Variants in ANKRD6 observed in about 807,000 individuals in gnomAD.
ANKRD6 encodes the protein ankyrin repeat domain 6.
ANKRD6 carries 56 observed loss-of-function variants against 82.3 expected under a neutral mutation model. The ratio of observed to expected loss-of-function variants is 0.68; its 90% CI spans 0.55 to 0.85. The LOEUF (loss-of-function observed/expected upper bound fraction) is 0.85, where lower values mean the gene tolerates loss of function less well. ANKRD6 is among the 40% of genes least tolerant of loss of function. The probability of loss-of-function intolerance (pLI) is 0.00; values close to 1 mark genes in which losing one functional copy is unlikely to be tolerated. For synonymous variants in ANKRD6, 347 were observed against 352.1 expected (o/e 0.99, Z 0.16); for missense variants, 852 against 907.6 (o/e 0.94, Z 0.79).
chr6:89,453,833 G>A (rs144169228), intron 1 of ANKRD6, among the ~76,000 whole-genome samples: 1 of 150,588 alleles, frequency 6.6e-6, no homozygotes, highest in Non-Finnish European at 1.5e-5. Context: ...ATGGAGTCTC[G>A]CTCTGTCGCC....
chr6:89,591,376 A>ACAGGCGTGAACC (rs1794874862), intron 2 of ANKRD6, among the ~76,000 whole-genome samples: 1 of 152,202 alleles, frequency 6.6e-6, no homozygotes, highest in Non-Finnish European at 1.5e-5. Context: ...TGCTGGGATT[A>ACAGGCGTGAACC]CAGGCGTGAA....
Position 89,612,373 on chromosome 6 carries a change from G to C in ANKRD6, c.516+3G>C. 1 of 1,548,272 alleles carries C rather than the reference G, an allele frequency of 6.5e-7. No individual in the cohort carries two copies. Among genetic ancestry groups the C allele is most frequent in the East Asian group, 2.4e-5 (1 of 41,214 alleles). On this transcript the variant is annotated splice_donor_region_variant and intron_variant, in intron 6 of 15. Coordinates refer to ENST00000339746, the MANE Select transcript of ANKRD6 (RefSeq NM_001242809.2). The stretch of plus-strand genomic sequence containing the variant: ...CCCGCGCTGACCTCAAAAATAATGT[G>C]GGTGAACAAAACCAGATTCTCACGT...
At chr6:89,443,440 G>T (rs1158055511) in intron 1 of ANKRD6, among the ~76,000 whole-genome samples, 1 of 152,180 alleles carries the variant, frequency 6.6e-6, no homozygotes, top group African/African-American at 2.4e-5. Context: ...AATCACCCCA[G>T]ATTCTGATGA....
At chr6:89,451,454 A>G (rs766165515) in intron 1 of ANKRD6, among the ~76,000 whole-genome samples, 2 of 152,212 alleles carry the variant, frequency 1.3e-5, no homozygotes, top group Non-Finnish European at 2.9e-5. Flanking sequence ...GTAGCTCTGT[A>G]TCATTTCTTT....
chr6:89,615,971 G>C (rs1260928980), intron 7 of ANKRD6, among the ~76,000 whole-genome samples: 1 of 152,230 alleles, frequency 6.6e-6, no homozygotes, highest in Non-Finnish European at 1.5e-5. Context: ...TTGGTCTTGA[G>C]TGAACACTGG....
intron 1 of ANKRD6, among the ~76,000 whole-genome samples, chr6:89,533,510 T>G (rs1366805376): frequency 6.6e-6 from 1 of 152,168 alleles, no homozygotes; most frequent in Non-Finnish European, 1.5e-5. Flanking sequence ...GTATTTGACC[T>G]GGTACCCTCT....
chr6:89,512,612 T>A (rs1005661447), intron 1 of ANKRD6, among the ~76,000 whole-genome samples: 2 of 152,186 alleles, frequency 1.3e-5, no homozygotes, highest in African/African-American at 4.8e-5. Context: ...TCTGTTGGGG[T>A]AAACCTGGAC....
chr6:89,536,319 G>A (rs1390580308), intron 1 of ANKRD6, among the ~76,000 whole-genome samples: 16 of 152,224 alleles, frequency 1.1e-4, no homozygotes. Flanking sequence ...GTCCACACAT[G>A]TCTTTTCTGG....
intron 1 of ANKRD6, among the ~76,000 whole-genome samples, chr6:89,458,865 C>T (rs1226647939): frequency 6.6e-6 from 1 of 152,182 alleles, no homozygotes; most frequent in African/African-American, 2.4e-5. Flanking sequence ...GGAGCTGTGT[C>T]GTGGTCTTGG....
intron 1 of ANKRD6, among the ~76,000 whole-genome samples, chr6:89,492,694 A>G (rs1778150145): frequency 6.6e-6 from 1 of 152,198 alleles, no homozygotes; most frequent in South Asian, 2.1e-4. Flanking sequence ...AAACATCTTT[A>G]AGCCAGGTGA....
intron 2 of ANKRD6, among the ~76,000 whole-genome samples, chr6:89,595,421 G>A (rs1169412247): frequency 1.3e-5 from 2 of 150,880 alleles, no homozygotes; most frequent in Non-Finnish European, 3.0e-5. Flanking sequence ...GTCAGACCCT[G>A]TCTCAAAGAA....
intron 2 of ANKRD6, among the ~76,000 whole-genome samples, chr6:89,577,941 C>A (rs1791513481): frequency 6.6e-6 from 1 of 152,232 alleles, no homozygotes; most frequent in Non-Finnish European, 1.5e-5. Context: ...CAGTATCATT[C>A]ATAAAATTCA....
chr6:89,576,267 G>T (rs1254520589), intron 2 of ANKRD6, among the ~76,000 whole-genome samples: 2 of 151,902 alleles, frequency 1.3e-5, no homozygotes, highest in African/African-American at 2.4e-5. Flanking sequence ...AGCCAGGATG[G>T]TCTCAATCTC....
rs1806147487 is a variant in ANKRD6, at chr6:89,627,588, T to C, written c.1377T>C (p.Arg459=). The C allele has an allele frequency of 6.2e-7, 1 of 1,613,690 alleles. No homozygotes were observed. The highest frequency in any genetic ancestry group is 2.2e-5 in the East Asian group (1 of 44,866). ...CTGCTCCACTTCACTCCTAGATGCGTGTTTTGGACAAGCTGATGGTTGAGC... is the reference window on the plus strand; with the variant it reads ...CTGCTCCACTTCACTCCTAGATGCGCGTTTTGGACAAGCTGATGGTTGAGC... The part of the protein sequence containing the change: ...QMENKTQHQM[R]VLDKLMVERL... The change falls in exon 14 of 16, where the codon CGT becomes CGC. Residue 459 remains arginine, a synonymous_variant. Transcript: ENST00000339746.
At chr6:89,502,611 T>G (rs1432794985) in intron 1 of ANKRD6, among the ~76,000 whole-genome samples, 2 of 152,252 alleles carry the variant, frequency 1.3e-5, no homozygotes, top group Admixed American at 6.5e-5. Flanking sequence ...TCTGGGCCAA[T>G]GAATACTTTT....
intron 1 of ANKRD6, among the ~76,000 whole-genome samples, chr6:89,465,936 G>A (rs1774794663): frequency 1.3e-5 from 2 of 152,062 alleles, no homozygotes; most frequent in Non-Finnish European, 2.9e-5. Flanking sequence ...AGGTTATTAT[G>A]GATAAAGTAC....
At chr6:89,609,168 C>A (rs1211496005) in intron 5 of ANKRD6, among the ~76,000 whole-genome samples, 1 of 152,220 alleles carries the variant, frequency 6.6e-6, no homozygotes, top group Admixed American at 6.5e-5. Flanking sequence ...GGATCAAAAG[C>A]TTGAGGTCTG....
intron 1 of ANKRD6, among the ~76,000 whole-genome samples, chr6:89,500,262 C>T (rs1049350555): frequency 1.3e-5 from 2 of 152,114 alleles, no homozygotes; most frequent in Non-Finnish European, 1.5e-5. Flanking sequence ...CCACAGATCA[C>T]TCACTCTCCT....
Position 89,496,766 on chromosome 6 carries a change from C to T in ANKRD6, c.-144+63391C>T, listed in dbSNP as rs546774284. 4.1e-4 allele frequency among the ~76,000 whole-genome samples: 62 copies of T among 152,226 alleles called. No individual in the cohort carries two copies. The South Asian group carries it at 0.011, about 27-fold the overall frequency. On this transcript the variant is annotated intron_variant, in intron 1 of 15. Coordinates refer to ENST00000339746, the MANE Select transcript of ANKRD6 (RefSeq NM_001242809.2). ...CTCAAACTCCTGATCTCAGGTGATC[C>T]GGGAGAAAGATAAAACTTAAATCCT...
Sources: gnomAD v4.1 joint callset for allele counts (sites outside exome capture counted in the v4.1 genomes callset) on GRCh38, gnomAD v4.1.1 for gene constraint, MANE v1.5 for transcripts, NCBI Gene and HGNC (gene_info 2026-07-23, HGNC 2026-07-21) for gene names.